The following CLVS1 variants were observed in gnomAD, a reference collection of about 807,000 sequenced individuals.
The protein encoded by CLVS1 is clavesin 1, also known as clavesin-1.
CLVS1 carries 10 observed loss-of-function variants against 33.1 expected under a neutral mutation model. The ratio of observed to expected loss-of-function variants is 0.30; its 90% confidence interval spans 0.19 to 0.51. The LOEUF is 0.51. Ranked by LOEUF, CLVS1 falls within the 20% of genes least tolerant of loss-of-function variation. The probability of loss-of-function intolerance (pLI) is 0.97; values close to 1 mark genes in which losing one functional copy is unlikely to be tolerated. For missense variants in CLVS1, 343 were observed against 433.4 expected, an observed-to-expected ratio of 0.79 and a Z score of 1.85; for synonymous variants, 163 against 166.1, an observed-to-expected ratio of 0.98 and a Z score of 0.14.
upstream of CLVS1, among the ~76,000 whole-genome samples, chr8:61,054,190 C>T (rs1804433638): frequency 6.6e-6 from 1 of 152,190 alleles, no homozygotes; most frequent in South Asian, 2.1e-4. Flanking sequence ...CCGCAATTGC[C>T]TGGGGAAAGC....
chr8:61,233,484 G>A (rs1297935370), intron 2 of CLVS1, among the ~76,000 whole-genome samples: 1 of 137,180 alleles, frequency 7.3e-6, no homozygotes, highest in Non-Finnish European at 1.5e-5. Context: ...GTAACATTTG[G>A]TTACTTAAAA....
intron 3 of CLVS1, among the ~76,000 whole-genome samples, chr8:61,442,289 A>G (rs1445307530): frequency 2.6e-5 from 4 of 152,056 alleles, no homozygotes; most frequent in Non-Finnish European, 5.9e-5. Flanking sequence ...GTTCTTTTTT[A>G]TTGCCAAGCA....
At chr8:61,071,399 G>A (rs1804793844) in intron 1 of CLVS1, among the ~76,000 whole-genome samples, 1 of 152,122 alleles carries the variant, frequency 6.6e-6, no homozygotes, top group South Asian at 2.1e-4. Context: ...CTAGGCTTGT[G>A]GCCCCTTCCT....
intron 1 of CLVS1, among the ~76,000 whole-genome samples, chr8:61,085,940 G>A (rs1805115635): frequency 6.7e-6 from 1 of 148,728 alleles, no homozygotes; most frequent in African/African-American, 2.5e-5. Context: ...GGAGGCTGAT[G>A]CAGCAGAATG....
At chr8:60,992,506 G>A in the CLVS1 span, among the ~76,000 whole-genome samples, 1 of 152,232 alleles carries the variant, frequency 6.6e-6, no homozygotes, top group Non-Finnish European at 1.5e-5. Flanking sequence ...GGAGCCATCT[G>A]AAGCAGAGGT....
intron 1 of CLVS1, among the ~76,000 whole-genome samples, chr8:61,290,955 C>T (rs112690385): frequency 2.1e-4 from 32 of 152,292 alleles, no homozygotes; most frequent in Middle Eastern, 3.4e-3. Flanking sequence ...AGTCTGCAAC[C>T]TCTAACTGAT....
chr8:61,398,327 A>G (rs1052665230), intron 3 of CLVS1, among the ~76,000 whole-genome samples: 1 of 151,652 alleles, frequency 6.6e-6, no homozygotes, highest in African/African-American at 2.4e-5. Flanking sequence ...AACCACAGGT[A>G]TGCACCACAA....
chr8:61,484,091 A>G (rs1293579617), intron 5 of CLVS1, among the ~76,000 whole-genome samples: 1 of 152,246 alleles, frequency 6.6e-6, no homozygotes, highest in Non-Finnish European at 1.5e-5. Context: ...AGTTCTGGCC[A>G]GAGCAATCAG....
chr8:61,095,104 T>A (rs1805324582), intron 1 of CLVS1, among the ~76,000 whole-genome samples: 1 of 152,232 alleles, frequency 6.6e-6, no homozygotes, highest in Non-Finnish European at 1.5e-5. Flanking sequence ...CTATCTCCTT[T>A]CATATTCATA....
intron 2 of CLVS1, among the ~76,000 whole-genome samples, chr8:61,353,807 T>TA (rs113798999): frequency 5.4e-5 from 8 of 149,306 alleles, no homozygotes; most frequent in Middle Eastern, 7.0e-3. Flanking sequence ...GTTGGCCCTT[T>TA]AAAAAAAAAT....
intron 2 of CLVS1, among the ~76,000 whole-genome samples, chr8:61,251,766 A>G (rs1008059784): frequency 2.6e-5 from 4 of 151,858 alleles, no homozygotes; most frequent in African/African-American, 4.8e-5. Context: ...GATATCCCCT[A>G]TATAATTTTT....
At position 61,207,515 on chromosome 8, in the gene CLVS1, G is replaced by T. The variant is rs538717232; in HGVS notation, c.-152+75655G>T. Among the ~76,000 whole-genome samples the T allele has an allele frequency of 2.6e-5, 4 of 152,320 alleles. No homozygotes were observed. In the East Asian group the frequency reaches 5.8e-4, roughly 22 times the overall value. On this transcript the variant is annotated intron_variant, in intron 2 of 2. Coordinates refer to the CLVS1 transcript ENST00000522621. ...TTTTATCTTTTTAAGTCCTCCTTCA[G>T]TCTCTGCTGTGTGCATGCACAATTT...
rs550926658 is a variant in CLVS1 at position 61,182,583 on chromosome 8, C to T, written c.-152+50723C>T. 2.7e-3 allele frequency among the ~76,000 whole-genome samples: 406 copies of T among 152,280 alleles called. 2 individuals carry two copies. The highest frequency in any genetic ancestry group is 9.3e-3 in the African/African-American group (388 of 41,556). The stretch of plus-strand genomic sequence containing the variant: ...TGGCTAACAAACATGAAAAAAAGCT[C>T]AACATCACTGATCATTAGAGAAATG... On this transcript the variant is annotated intron_variant, in intron 2 of 2. Coordinates refer to the CLVS1 transcript ENST00000522621.
chr8:61,253,338 C>T (rs553057460), intron 2 of CLVS1, among the ~76,000 whole-genome samples: 1 of 152,328 alleles, frequency 6.6e-6, no homozygotes, highest in Non-Finnish European at 1.5e-5. Flanking sequence ...ACCTTTCTCT[C>T]TGGCTGCCTT....
chr8:60,975,379 T>C, the CLVS1 span, among the ~76,000 whole-genome samples: 1 of 152,162 alleles, frequency 6.6e-6, no homozygotes, highest in African/African-American at 2.4e-5. Context: ...GGCATTTAAG[T>C]ATAGGATCTT....
At chr8:61,021,414 G>A in the CLVS1 span, among the ~76,000 whole-genome samples, 3 of 152,092 alleles carry the variant, frequency 2.0e-5, no homozygotes, top group Non-Finnish European at 2.9e-5. Context: ...GCAATGGCGC[G>A]ATCTCAGTTT....
At chr8:61,185,149 G>T (rs375925470) in intron 2 of CLVS1, among the ~76,000 whole-genome samples, 4,800 of 141,968 alleles carry the variant, frequency 0.034, 93 homozygotes, top group Non-Finnish European at 0.038. Context: ...TATAGTTTTT[G>T]TTTTTGTTTT....
chr8:61,414,663 A>G (rs1815362252), intron 3 of CLVS1, among the ~76,000 whole-genome samples: 1 of 152,166 alleles, frequency 6.6e-6, no homozygotes, highest in South Asian at 2.1e-4. Flanking sequence ...TTACCAACCT[A>G]TAATCAACTA....
intron 3 of CLVS1, among the ~76,000 whole-genome samples, chr8:61,411,979 C>A (rs577851074): frequency 6.6e-6 from 1 of 152,072 alleles, no homozygotes; most frequent in Admixed American, 6.5e-5. Context: ...TGCTGGAAAC[C>A]GGGAAAAAGG....
Sources: gnomAD v4.1 joint callset for allele counts (sites outside exome capture counted in the v4.1 genomes callset) on GRCh38, gnomAD v4.1.1 for gene constraint, MANE v1.5 for transcripts, NCBI Gene and HGNC (gene_info 2026-07-23, HGNC 2026-07-21) for gene names.